The following CCSER2 variants were observed in gnomAD, a reference collection of about 807,000 sequenced individuals.
CCSER2 encodes serine-rich coiled-coil domain-containing protein 2.
A neutral mutation model predicts 92.3 loss-of-function variants in CCSER2; 46 were observed. That is an observed-to-expected ratio of 0.50 (90% CI 0.39 to 0.64). The LOEUF is 0.64. CCSER2 is among the 30% of genes least tolerant of loss of function. The pLI, the probability that CCSER2 is intolerant of heterozygous loss-of-function variation, is 0.00. For synonymous variants in CCSER2, 433 were observed against 431.4 expected (o/e 1.00, Z -0.04); for missense variants, 1,244 against 1,238.9 (o/e 1.00, Z -0.06).
At chr10:84,330,809 A>G (rs901308430) in intron 1 of CCSER2, among the ~76,000 whole-genome samples, 1 of 152,016 alleles carries the variant, frequency 6.6e-6, no homozygotes, top group African/African-American at 2.4e-5. Flanking sequence ...AACCCCAGTT[A>G]TGTTAAAAAA....
At chr10:84,420,877 G>A (rs1843110475) in intron 4 of CCSER2, among the ~76,000 whole-genome samples, 1 of 146,698 alleles carries the variant, frequency 6.8e-6, no homozygotes, top group South Asian at 2.2e-4. Context: ...AGATTGCAAT[G>A]AGCCGAGATC....
intron 9 of CCSER2, among the ~76,000 whole-genome samples, chr10:84,495,774 T>TG (rs1435599496): frequency 7.5e-6 from 1 of 132,826 alleles, no homozygotes; most frequent in Non-Finnish European, 1.7e-5. Flanking sequence ...AAATTTCTTT[T>TG]GTTTTTTTTT....
chr10:84,357,660 C>T (rs564162721), intron 1 of CCSER2, among the ~76,000 whole-genome samples: 4 of 152,250 alleles, frequency 2.6e-5, no homozygotes, highest in Admixed American at 2.6e-4. Context: ...CCGTGTTAGC[C>T]AGGATGGTCT....
At chr10:84,434,348 C>G (rs1422244933) in intron 5 of CCSER2, among the ~76,000 whole-genome samples, 1 of 152,130 alleles carries the variant, frequency 6.6e-6, no homozygotes, top group Non-Finnish European at 1.5e-5. Context: ...TTCATAGTCT[C>G]CTTTTATTTT....
At chr10:84,457,259 A>ATTTT (rs1564684309) in intron 6 of CCSER2, among the ~76,000 whole-genome samples, 1 of 55,086 alleles carries the variant, frequency 1.8e-5, no homozygotes, top group Non-Finnish European at 3.1e-5. Flanking sequence ...TATTATATAA[A>ATTTT]ATATATTATA....
intron 8 of CCSER2, among the ~76,000 whole-genome samples, chr10:84,474,628 A>G (rs192220217): frequency 7.0e-6 from 1 of 142,356 alleles, no homozygotes; most frequent in African/African-American, 2.6e-5. Flanking sequence ...GTGCCACTGC[A>G]CTCCAGCCTG....
chr10:84,348,464 A>G (rs975045796), intron 1 of CCSER2, among the ~76,000 whole-genome samples: 10 of 144,004 alleles, frequency 6.9e-5, no homozygotes, highest in East Asian at 3.9e-4. Flanking sequence ...GAGGGAGACC[A>G]TGGAAAGAGA....
At chr10:84,496,185 C>T (rs967139373) in intron 9 of CCSER2, among the ~76,000 whole-genome samples, 1 of 152,128 alleles carries the variant, frequency 6.6e-6, no homozygotes, top group Non-Finnish European at 1.5e-5. Flanking sequence ...TTTCCTCTCC[C>T]ATTTATAAGT....
At chr10:84,457,010 T>A (rs1845664471) in intron 6 of CCSER2, among the ~76,000 whole-genome samples, 2 of 151,036 alleles carry the variant, frequency 1.3e-5, no homozygotes, top group East Asian at 1.9e-4. Flanking sequence ...TGGATATTTT[T>A]AAAAATGGGA....
chr10:84,457,236 AT>A (rs1428206986), intron 6 of CCSER2, among the ~76,000 whole-genome samples: 1 of 65,136 alleles, frequency 1.5e-5, no homozygotes, highest in Non-Finnish European at 2.8e-5. Context: ...ATATAAATAT[AT>A]TATATATTAT....
chr10:84,436,325 C>CAAAAAAAAAAAAAAAA (rs1160681619), intron 5 of CCSER2, among the ~76,000 whole-genome samples: 1 of 14,328 alleles, frequency 7.0e-5, no homozygotes, highest in Non-Finnish European at 1.0e-4. Flanking sequence ...GACTCCGTCT[C>CAAAAAAAAAAAAAAAA]AAAAAAAAAA....
chr10:84,397,365 T>C (rs1191273927), intron 3 of CCSER2, among the ~76,000 whole-genome samples: 1 of 152,228 alleles, frequency 6.6e-6, no homozygotes, highest in Non-Finnish European at 1.5e-5. Flanking sequence ...CTTCATTTGA[T>C]GTAATATACA....
intron 3 of CCSER2, among the ~76,000 whole-genome samples, chr10:84,386,662 C>T (rs531433108): frequency 2.1e-4 from 32 of 152,128 alleles, no homozygotes; most frequent in Non-Finnish European, 3.5e-4. Flanking sequence ...GCTGCAATGG[C>T]GGAGGCTGCG....
At chr10:84,480,409 C>T (rs1290033214) in intron 9 of CCSER2, among the ~76,000 whole-genome samples, 1 of 152,160 alleles carries the variant, frequency 6.6e-6, no homozygotes, top group African/African-American at 2.4e-5. Flanking sequence ...GAAAACTCCT[C>T]TACAACCAAG....
intron 3 of CCSER2, among the ~76,000 whole-genome samples, chr10:84,398,532 T>A (rs1022943465): frequency 3.9e-5 from 6 of 152,236 alleles, no homozygotes; most frequent in Admixed American, 1.3e-4. Context: ...AATATTTGTT[T>A]GTGCCTTTTG....
intron 3 of CCSER2, among the ~76,000 whole-genome samples, chr10:84,378,138 G>T (rs1313126688): frequency 1.3e-5 from 2 of 152,178 alleles, no homozygotes; most frequent in African/African-American, 4.8e-5. Flanking sequence ...CACCATTAAA[G>T]TTTTTGGGAG....
chr10:84,387,374 T>C (rs569893170), intron 3 of CCSER2, among the ~76,000 whole-genome samples: 2 of 152,242 alleles, frequency 1.3e-5, no homozygotes, highest in East Asian at 3.9e-4. Context: ...ACTGACTTAG[T>C]GTGTTTAGGT....
chr10:84,501,438 TCTC>T (rs768336104), intron 9 of CCSER2, among the ~76,000 whole-genome samples: 9 of 152,112 alleles, frequency 5.9e-5, no homozygotes, highest in Non-Finnish European at 1.3e-4. Context: ...CCTTTCTCCT[TCTC>T]CTCAGCTAGC....
At chr10:84,396,540 T>C (rs1465916872) in intron 3 of CCSER2, among the ~76,000 whole-genome samples, 2 of 152,168 alleles carry the variant, frequency 1.3e-5, no homozygotes, top group Non-Finnish European at 2.9e-5. Flanking sequence ...TATTTCGTTT[T>C]GGGTTCTGCC....
Sources: gnomAD v4.1 joint callset for allele counts (sites outside exome capture counted in the v4.1 genomes callset) on GRCh38, gnomAD v4.1.1 for gene constraint, MANE v1.5 for transcripts, NCBI Gene and HGNC (gene_info 2026-07-23, HGNC 2026-07-21) for gene names.